The following ADGRB3 variants were observed in gnomAD, a reference collection of about 807,000 sequenced individuals.
ADGRB3 encodes brain-specific angiogenesis inhibitor 3.
Under a neutral mutation model 193.4 loss-of-function variants are expected in ADGRB3, and 37 were observed. The observed-to-expected ratio is 0.19, with a 90% confidence interval of 0.15 to 0.25. The LOEUF is 0.25. Ranked by LOEUF, ADGRB3 falls within the 10% of genes least tolerant of loss-of-function variation. The pLI, the probability that ADGRB3 is intolerant of heterozygous loss-of-function variation, is 1.00. For synonymous variants in ADGRB3, 690 were observed against 644.2 expected, an observed-to-expected ratio of 1.07 and a Z score of -1.08; for missense variants, 1,637 against 1,852.9, an observed-to-expected ratio of 0.88 and a Z score of 2.14.
intron 3 of ADGRB3, among the ~76,000 whole-genome samples, chr6:68,786,885 G>C (rs916464558): frequency 2.0e-5 from 3 of 151,798 alleles, no homozygotes; most frequent in African/African-American, 7.3e-5. Context: ...TTGTAAGTTG[G>C]ATTCCTAGGT....
At chr6:68,902,539 A>G (rs568086486) in intron 3 of ADGRB3, among the ~76,000 whole-genome samples, 111 of 152,248 alleles carry the variant, frequency 7.3e-4, no homozygotes, top group African/African-American at 2.6e-3. Context: ...GAGGATTTAA[A>G]GAAAAACTTA....
At chr6:68,971,723 T>C (rs1268040752) in intron 8 of ADGRB3, among the ~76,000 whole-genome samples, 1 of 152,248 alleles carries the variant, frequency 6.6e-6, no homozygotes, top group Non-Finnish European at 1.5e-5. Flanking sequence ...GACTGCCATA[T>C]AACAAGCGAA....
chr6:68,859,275 T>G (rs1765082348), intron 3 of ADGRB3, among the ~76,000 whole-genome samples: 1 of 152,202 alleles, frequency 6.6e-6, no homozygotes, highest in Admixed American at 6.5e-5. Flanking sequence ...AGCATTTTGG[T>G]CAAAGTAATT....
rs534895252 is a variant in ADGRB3, at chr6:69,373,362, T to C, written c.4275+921T>C. On this transcript the variant is annotated intron_variant, in intron 30 of 31. Transcript: ENST00000370598. ...TGTTCTAGCTCTACAATGTACATCATGTGTCAAAACTAAGACTTGTTTTTA... is the reference window on the plus strand; with the variant it reads ...TGTTCTAGCTCTACAATGTACATCACGTGTCAAAACTAAGACTTGTTTTTA... 3.3e-5 allele frequency among the ~76,000 whole-genome samples: 5 copies of C among 152,158 alleles called. No individual in the cohort carries two copies. In the East Asian group the frequency reaches 9.7e-4, roughly 29 times the overall value.
At chr6:69,149,574 G>A (rs1774607597) in intron 17 of ADGRB3, among the ~76,000 whole-genome samples, 1 of 152,008 alleles carries the variant, frequency 6.6e-6, no homozygotes, top group South Asian at 2.1e-4. Flanking sequence ...GTGTGGTCGT[G>A]CTTTACTGGA....
chr6:68,766,031 AT>A (rs1454814309), intron 3 of ADGRB3, among the ~76,000 whole-genome samples: 1 of 151,848 alleles, frequency 6.6e-6, no homozygotes, highest in African/African-American at 2.4e-5. Context: ...TTCATTTCAC[AT>A]TTTTCGTATC....
intron 17 of ADGRB3, among the ~76,000 whole-genome samples, chr6:69,152,120 A>C (rs997363459): frequency 6.6e-6 from 1 of 152,224 alleles, no homozygotes; most frequent in Non-Finnish European, 1.5e-5. Flanking sequence ...GTATGTCTCT[A>C]TGTCAGCATG....
At chr6:69,035,401 A>G (rs569369785) in intron 13 of ADGRB3, among the ~76,000 whole-genome samples, 1 of 152,132 alleles carries the variant, frequency 6.6e-6, no homozygotes, top group East Asian at 1.9e-4. Flanking sequence ...AAGATGAAGT[A>G]AGTATCTACA....
intron 13 of ADGRB3, among the ~76,000 whole-genome samples, chr6:69,044,409 G>A (rs1374492691): frequency 6.6e-6 from 1 of 152,134 alleles, no homozygotes; most frequent in African/African-American, 2.4e-5. Flanking sequence ...CAGCCAAAGG[G>A]CCAAAATTTC....
At chr6:69,131,225 A>G (rs1773998878) in intron 17 of ADGRB3, among the ~76,000 whole-genome samples, 2 of 152,266 alleles carry the variant, frequency 1.3e-5, no homozygotes, top group South Asian at 2.1e-4. Flanking sequence ...ATGAAAGCTA[A>G]TATTGGAAAT....
chr6:69,285,124 A>C (rs1187810836), intron 20 of ADGRB3, among the ~76,000 whole-genome samples: 1 of 152,234 alleles, frequency 6.6e-6, no homozygotes, highest in Non-Finnish European at 1.5e-5. Flanking sequence ...TAAATGTTTA[A>C]ATAATCCATA....
chr6:69,222,397 T>G (rs1348275585), intron 17 of ADGRB3, among the ~76,000 whole-genome samples: 1 of 152,220 alleles, frequency 6.6e-6, no homozygotes, highest in African/African-American at 2.4e-5. Flanking sequence ...GGATAGAGCA[T>G]GCAACTGGCT....
In ADGRB3 at chr6:69,252,552, G is replaced by A. The variant is rs575540874; in HGVS notation, c.2814+13326G>A. On this transcript the variant is annotated intron_variant, in intron 20 of 31. Transcript: ENST00000370598. ...TTACCAGTAATCTATGATAATTCCAGTGTTACATATTCTTGGCAACATTTT... is the reference window on the plus strand; with the variant it reads ...TTACCAGTAATCTATGATAATTCCAATGTTACATATTCTTGGCAACATTTT... 3.3e-5 allele frequency among the ~76,000 whole-genome samples: 5 copies of A among 152,120 alleles called. No homozygotes were observed. The South Asian group carries it at 1.0e-3, about 32-fold the overall frequency.
At chr6:69,220,018 G>A (rs1037030423) in intron 17 of ADGRB3, among the ~76,000 whole-genome samples, 5 of 151,922 alleles carry the variant, frequency 3.3e-5, no homozygotes, top group African/African-American at 1.2e-4. Flanking sequence ...GATGCTTGAA[G>A]CTTTCCCACA....
At chr6:68,723,328 G>A (rs1305405821) in intron 3 of ADGRB3, among the ~76,000 whole-genome samples, 1 of 151,622 alleles carries the variant, frequency 6.6e-6, no homozygotes, top group African/African-American at 2.4e-5. Flanking sequence ...AGCTGTTAAT[G>A]GATTCAGTGA....
intron 15 of ADGRB3, among the ~76,000 whole-genome samples, chr6:69,052,346 A>G (rs951010993): frequency 3.9e-5 from 6 of 152,250 alleles, no homozygotes; most frequent in Admixed American, 2.6e-4. Flanking sequence ...TGAACTCAAT[A>G]GGAAAGATCT....
chr6:69,233,193 T>G, intron 17 of ADGRB3, 97 bp from the exon 18 acceptor site: 1 of 1,488,492 alleles, frequency 6.7e-7, no homozygotes, highest in Non-Finnish European at 9.1e-7. Context: ...GGAATTACAG[T>G]AGACGACTCT....
intron 3 of ADGRB3, among the ~76,000 whole-genome samples, chr6:68,762,442 TA>T (rs944971592): frequency 3.9e-5 from 6 of 151,902 alleles, no homozygotes; most frequent in African/African-American, 1.4e-4. Context: ...AATTTACAGA[TA>T]AAGCATCAAA....
intron 17 of ADGRB3, among the ~76,000 whole-genome samples, chr6:69,117,078 G>A (rs1250118706): frequency 2.6e-5 from 4 of 151,856 alleles, no homozygotes; most frequent in African/African-American, 4.8e-5. Flanking sequence ...TAAAAATTAG[G>A]AAAAAAAGAT....
Sources: allele counts gnomAD v4.1 joint callset (sites outside exome capture counted in the v4.1 genomes callset), GRCh38; gene constraint gnomAD v4.1.1; transcripts MANE v1.5; gene names NCBI Gene and HGNC (gene_info 2026-07-23, HGNC 2026-07-21).